The following SCNN1B variants were observed in gnomAD, a reference collection of about 807,000 sequenced individuals.
The protein encoded by SCNN1B is epithelial sodium channel subunit beta.
Under a neutral mutation model 65.3 loss-of-function variants are expected in SCNN1B, and 46 were observed. That is an observed-to-expected ratio of 0.70 (90% CI 0.56 to 0.90). SCNN1B has a LOEUF of 0.90. SCNN1B is among the 40% of genes least tolerant of loss of function. The pLI is 0.00. For missense variants in SCNN1B, 751 were observed against 830.5 expected, an observed-to-expected ratio of 0.90 and a Z score of 1.18; for synonymous variants, 349 against 330.6, an observed-to-expected ratio of 1.06 and a Z score of -0.60.
At chr16:23,365,583 GAAAGAGAAAGAA>G (rs1289733814) in intron 4 of SCNN1B, among the ~76,000 whole-genome samples, 8 of 60,226 alleles carry the variant, frequency 1.3e-4, no homozygotes, top group East Asian at 7.1e-4. Flanking sequence ...AAGAAAGAAA[GAAAGAGAAAGAA>G]AGAAAGAAAG....
intron 2 of SCNN1B, among the ~76,000 whole-genome samples, chr16:23,289,082 A>C (rs1960888717): frequency 6.6e-6 from 1 of 152,204 alleles, no homozygotes; most frequent in African/African-American, 2.4e-5. Flanking sequence ...ATTAGAAGCA[A>C]GCCACTAGAT....
intron 6 of SCNN1B, 120 bp downstream of exon 6, chr16:23,371,582 C>T (rs1167603964): frequency 8.4e-7 from 1 of 1,189,894 alleles, no homozygotes; most frequent in Non-Finnish European, 1.2e-6. Flanking sequence ...GGCCTTCCTT[C>T]CTTTTGGCTG....
intron 1 of SCNN1B, among the ~76,000 whole-genome samples, chr16:23,313,995 T>A (rs1484590260): frequency 6.6e-6 from 1 of 151,976 alleles, no homozygotes; most frequent in African/African-American, 2.4e-5. Context: ...GTAGGTACAG[T>A]TTTTTAATTA....
intron 1 of SCNN1B, among the ~76,000 whole-genome samples, chr16:23,340,494 A>T (rs1049273157): frequency 5.3e-5 from 8 of 152,208 alleles, no homozygotes; most frequent in Non-Finnish European, 8.8e-5. Flanking sequence ...TTTTAAAAAA[A>T]TATGGACAAC....
At chr16:23,350,790 G>A (rs961512619) in intron 2 of SCNN1B, among the ~76,000 whole-genome samples, 1 of 152,134 alleles carries the variant, frequency 6.6e-6, no homozygotes, top group African/African-American at 2.4e-5. Context: ...GCACATGCCT[G>A]TAAACCCAGC....
intron 2 of SCNN1B, among the ~76,000 whole-genome samples, chr16:23,284,766 T>C (rs1960828099): frequency 6.6e-6 from 1 of 152,188 alleles, no homozygotes; most frequent in Non-Finnish European, 1.5e-5. Context: ...TAAGTAACTT[T>C]CAGCCAATTT....
At chr16:23,307,654 C>T (rs760122907) in intron 1 of SCNN1B, among the ~76,000 whole-genome samples, 3 of 152,144 alleles carry the variant, frequency 2.0e-5, no homozygotes, top group African/African-American at 7.2e-5. Context: ...ACCTAACTCA[C>T]ATGGTAGACT....
chr16:23,360,556 TAG>T (rs558304482), intron 4 of SCNN1B, among the ~76,000 whole-genome samples: 4 of 148,822 alleles, frequency 2.7e-5, no homozygotes, highest in Non-Finnish European at 5.9e-5. Flanking sequence ...GAGTAAAATA[TAG>T]AGAGAGAGAC....
In SCNN1B at chr16:23,305,400, C is replaced by T. The variant is rs1220910293; in HGVS notation, c.-9+2963C>T. Among the ~76,000 whole-genome samples the T allele has an allele frequency of 2.0e-5, 3 of 150,622 alleles. No individual in the cohort carries two copies. The East Asian group carries it at 5.9e-4, about 30-fold the overall frequency. On this transcript the variant is annotated intron_variant, in intron 1 of 12. Transcript: ENST00000343070. ...AGGCATGGTGGTTCACACCTGTAAT[C>T]CCAGCACTTTGGGAGACCAAGGAGG... is the stretch of plus-strand genomic sequence containing the variant.
At chr16:23,320,535 A>T (rs1961565326) in intron 1 of SCNN1B, among the ~76,000 whole-genome samples, 1 of 152,242 alleles carries the variant, frequency 6.6e-6, no homozygotes. Flanking sequence ...GTCTCTGACC[A>T]GACTCAAGGG....
intron 1 of SCNN1B, among the ~76,000 whole-genome samples, chr16:23,334,625 T>C (rs1313321888): frequency 6.6e-6 from 1 of 152,224 alleles, no homozygotes; most frequent in Non-Finnish European, 1.5e-5. Context: ...CCTCAGCTCT[T>C]GTGGTAAAGC....
intron 2 of SCNN1B, among the ~76,000 whole-genome samples, chr16:23,350,953 G>A (rs1049875737): frequency 2.0e-5 from 3 of 151,206 alleles, no homozygotes; most frequent in African/African-American, 7.3e-5. Flanking sequence ...AGAAAGTCCT[G>A]ACTGGGCACG....
chr16:23,377,177 C>A lies in SCNN1B; in HGVS notation c.1283C>A (p.Ser428Ter), dbSNP rs1303715075. 2.5e-6 allele frequency: 4 copies of A among 1,613,984 alleles called. No individual in the cohort carries two copies. Among genetic ancestry groups the A allele is most frequent in the Non-Finnish European group, 3.4e-6 (4 of 1,179,998 alleles). Residue 428 changes from serine (S) to a stop codon, truncating the protein, a stop_gained, in exon 9 of 13, where the codon TCA becomes TAA. Transcript: ENST00000343070. LOFTEE classifies it high-confidence loss of function. ...RDFPDWAHCY[S>*]DLQMSVAQRE... ...GTCTCCTGCGCAGCCCATTGCTACT[C>A]AGATCTACAGATGAGCGTGGCGCAG...
chr16:23,376,820 G>C (rs1962908284), intron 8 of SCNN1B, among the ~76,000 whole-genome samples: 1 of 150,998 alleles, frequency 6.6e-6, no homozygotes, highest in African/African-American at 2.4e-5. Context: ...GTCAGCCGGA[G>C]ACTCACCACT....
At chr16:23,299,093 T>C (rs1312683328), upstream of SCNN1B, among the ~76,000 whole-genome samples, 1 of 146,616 alleles carries the variant, frequency 6.8e-6, no homozygotes, top group East Asian at 2.1e-4. Flanking sequence ...TGAGTCTCAC[T>C]CTGTCACCCA....
At chr16:23,356,545 G>A (rs1445078969) in intron 4 of SCNN1B, among the ~76,000 whole-genome samples, 3 of 151,696 alleles carry the variant, frequency 2.0e-5, no homozygotes, top group African/African-American at 7.3e-5. Context: ...GATCACTTGA[G>A]TCCAGGAGGT....
intron 1 of SCNN1B, among the ~76,000 whole-genome samples, chr16:23,336,300 T>C (rs1390220245): frequency 1.3e-5 from 2 of 151,992 alleles, no homozygotes; most frequent in Admixed American, 6.5e-5. Flanking sequence ...CATATGTCCT[T>C]GGACCAGTAC....
chr16:23,294,490 CCTCTTAGTCTCTT>C (rs1022701063), intron 2 of SCNN1B, among the ~76,000 whole-genome samples: 1 of 142,740 alleles, frequency 7.0e-6, no homozygotes, highest in Non-Finnish European at 1.5e-5. Flanking sequence ...TCTGAACCCC[CCTCTTAGTCTCTT>C]CTCTTTGTTC....
chr16:23,352,049 A>G (rs564873147), intron 2 of SCNN1B, among the ~76,000 whole-genome samples: 4 of 152,354 alleles, frequency 2.6e-5, no homozygotes, highest in Non-Finnish European at 5.9e-5. Context: ...GTGGCAAACA[A>G]GACCTGGAAA....
Sources: gnomAD v4.1 joint callset for allele counts (sites outside exome capture counted in the v4.1 genomes callset) on GRCh38, gnomAD v4.1.1 for gene constraint, MANE v1.5 for transcripts, NCBI Gene and HGNC (gene_info 2026-07-23, HGNC 2026-07-21) for gene names.